SLC37A1: variants seen among roughly 807,000 people sequenced by gnomAD.
SLC37A1 encodes the protein solute carrier family 37 member 1.
A neutral mutation model predicts 75.3 loss-of-function variants in SLC37A1; 49 were observed. That is an observed-to-expected ratio of 0.65 (90% CI 0.52 to 0.83). The LOEUF is 0.83. Among genes scored for constraint, SLC37A1 ranks in the 40% least tolerant of loss-of-function variants. The probability of loss-of-function intolerance (pLI) is 0.00; values close to 1 mark genes in which losing one functional copy is unlikely to be tolerated. For missense variants in SLC37A1, 566 were observed against 695.0 expected (o/e 0.81, Z 2.09); for synonymous variants, 268 against 292.1 (o/e 0.92, Z 0.84).
rs751821932 is a variant in SLC37A1, at chr21:42,563,849, C to T, written c.1107C>T (p.Ser369=). 1.9e-6 allele frequency: 3 copies of T among 1,614,230 alleles called. No homozygotes were observed. Among genetic ancestry groups the T allele is most frequent in the Admixed American group, 3.3e-5 (2 of 60,030 alleles). The change falls in exon 13 of 20, where the codon TCC becomes TCT. Residue 369 remains serine (S), a synonymous_variant. Coordinates refer to ENST00000352133, the MANE Select transcript of SLC37A1 (RefSeq NM_001320537.2). Reference sequence around the variant, plus strand: ...ATGCCAAAAAGGCGGGGGAGCTCTCCACCCTGTTTGACGTGGGCGGAATCT... The same window carrying T: ...ATGCCAAAAAGGCGGGGGAGCTCTCTACCCTGTTTGACGTGGGCGGAATCT... ...HLDAKKAGEL[S]TLFDVGGIFG...
At chr21:42,542,321 G>A (rs2055303422) in intron 6 of SLC37A1, 83 bp from the exon 7 acceptor site, 2 of 1,231,796 alleles carry the variant, frequency 1.6e-6, no homozygotes, top group African/African-American at 1.5e-5. Flanking sequence ...TTGTGTAAGT[G>A]GAGCAAGCTC....
At chr21:42,553,032 T>G (rs768344743) in intron 9 of SLC37A1, among the ~76,000 whole-genome samples, 2 of 152,234 alleles carry the variant, frequency 1.3e-5, no homozygotes, top group Non-Finnish European at 2.9e-5. Flanking sequence ...TTCTTAACCT[T>G]CAGAAACCTT....
At chr21:42,570,539 T>A (rs1429960685) in intron 17 of SLC37A1, among the ~76,000 whole-genome samples, 1 of 152,226 alleles carries the variant, frequency 6.6e-6, no homozygotes, top group Non-Finnish European at 1.5e-5. Context: ...AGCTCAGTTC[T>A]GGTTGACGTT....
At chr21:42,562,751 T>A (rs1301867045) in intron 12 of SLC37A1, among the ~76,000 whole-genome samples, 1 of 144,266 alleles carries the variant, frequency 6.9e-6, no homozygotes, top group Non-Finnish European at 1.5e-5. Context: ...AGCCGTTGAG[T>A]GGGGAAATTG....
chr21:42,544,063 C>T (rs544246382), intron 8 of SLC37A1, among the ~76,000 whole-genome samples: 91 of 152,334 alleles, frequency 6.0e-4, no homozygotes, highest in South Asian at 3.1e-3. Context: ...ATCTCTTATT[C>T]CATTTCAGAT....
chr21:42,556,420 A>G (rs923141129), intron 10 of SLC37A1, among the ~76,000 whole-genome samples: 1 of 152,192 alleles, frequency 6.6e-6, no homozygotes, highest in Non-Finnish European at 1.5e-5. Flanking sequence ...CTCTCTTGTG[A>G]TGGCCTTTCC....
intron 2 of SLC37A1, among the ~76,000 whole-genome samples, chr21:42,505,279 C>A (rs2054374124): frequency 6.6e-6 from 1 of 152,222 alleles, no homozygotes; most frequent in South Asian, 2.1e-4. Flanking sequence ...ACACACCACA[C>A]TCTCTGCTGT....
intron 17 of SLC37A1, among the ~76,000 whole-genome samples, chr21:42,572,691 AG>A (rs1162650451): frequency 1.6e-5 from 2 of 126,960 alleles, no homozygotes; most frequent in African/African-American, 2.5e-5. Flanking sequence ...AAAAAAAAAA[AG>A]AGTGTGTCCT....
intron 1 of SLC37A1, among the ~76,000 whole-genome samples, chr21:42,515,475 T>C (rs1319045688): frequency 6.6e-6 from 1 of 152,220 alleles, no homozygotes; most frequent in Non-Finnish European, 1.5e-5. Context: ...CTCCTGCTAT[T>C]GCTCACTTCC....
upstream of SLC37A1, among the ~76,000 whole-genome samples, chr21:42,512,594 C>T (rs771271395): frequency 6.6e-6 from 1 of 152,192 alleles, no homozygotes; most frequent in African/African-American, 2.4e-5. Context: ...AAAGCACTGG[C>T]ACAGGGGGCC....
intron 6 of SLC37A1, among the ~76,000 whole-genome samples, chr21:42,542,178 C>T (rs1327965328): frequency 6.6e-6 from 1 of 152,142 alleles, no homozygotes; most frequent in Non-Finnish European, 1.5e-5. Context: ...AAAATTTCCA[C>T]AATAGGCATG....
chr21:42,543,422 T>C lies in SLC37A1; in HGVS notation c.564-14T>C, dbSNP rs752869050. The stretch of plus-strand genomic sequence containing the variant: ...TCAGCTCCATCTTCTGTCTTCTGTT[T>C]TGTTGTGCTGCAGGAGAGGTTTGAT... On this transcript the variant is annotated splice_polypyrimidine_tract_variant and intron_variant, in intron 7 of 19. Transcript: ENST00000352133. 6.2e-7 allele frequency: 1 copy of C among 1,614,174 alleles called. No homozygotes were observed. Among genetic ancestry groups the C allele is most frequent in the Non-Finnish European group, 8.5e-7 (1 of 1,180,014 alleles).
At chr21:42,563,467 G>T (rs2055887292) in intron 12 of SLC37A1, among the ~76,000 whole-genome samples, 1 of 116,652 alleles carries the variant, frequency 8.6e-6, no homozygotes. Flanking sequence ...CTCATCTGCA[G>T]TTCTAAAGCC....
intron 17 of SLC37A1, among the ~76,000 whole-genome samples, chr21:42,570,123 G>A (rs1040809164): frequency 0.01 from 631 of 60,480 alleles, 77 homozygotes; most frequent in Non-Finnish European, 0.017. Context: ...CAGGGTGGCT[G>A]TTGCCATGTG....
At chr21:42,542,131 G>A (rs1296114143) in intron 6 of SLC37A1, among the ~76,000 whole-genome samples, 1 of 152,108 alleles carries the variant, frequency 6.6e-6, no homozygotes, top group Non-Finnish European at 1.5e-5. Context: ...TGGGGTTCTG[G>A]CTGGGTTTTT....
intron 5 of SLC37A1, 70 bp from the exon 6 acceptor site, chr21:42,539,442 A>T (rs969515786): frequency 6.6e-7 from 1 of 1,519,804 alleles, no homozygotes; most frequent in African/African-American, 1.4e-5. Context: ...CCGGCAAGAA[A>T]CAGCCACGAG....
At chr21:42,556,581 A>T (rs745549813) in intron 10 of SLC37A1, among the ~76,000 whole-genome samples, 10 of 152,198 alleles carry the variant, frequency 6.6e-5, no homozygotes, top group Non-Finnish European at 1.3e-4. Context: ...TTTCTCTTTG[A>T]AAGTGTAAGC....
chr21:42,574,736 G>A, intron 17 of SLC37A1, 82 bp from the exon 18 acceptor site: 1 of 1,326,406 alleles, frequency 7.5e-7, no homozygotes, highest in Non-Finnish European at 1.1e-6. Context: ...GTGAGGTGTT[G>A]AGCCCCATTC....
chr21:42,575,564 TCA>T (rs913702971), intron 18 of SLC37A1: 1 of 985,246 alleles, frequency 1.0e-6, no homozygotes, highest in Non-Finnish European at 1.2e-6. Context: ...AGTGATGATG[TCA>T]CAGTCACATA....
Sources: allele counts gnomAD v4.1 joint callset (sites outside exome capture counted in the v4.1 genomes callset), GRCh38; gene constraint gnomAD v4.1.1; transcripts MANE v1.5; gene names NCBI Gene and HGNC (gene_info 2026-07-23, HGNC 2026-07-21).